The following ARHGAP24 variants were observed in gnomAD, a reference collection of about 807,000 sequenced individuals.
ARHGAP24 encodes rho GTPase-activating protein 24.
Under a neutral mutation model 76.4 loss-of-function variants are expected in ARHGAP24, and 50 were observed. The observed-to-expected ratio is 0.65, with a 90% CI of 0.52 to 0.83. ARHGAP24 has a LOEUF of 0.83. Ranked by LOEUF, ARHGAP24 falls within the 40% of genes least tolerant of loss-of-function variation. ARHGAP24 has a pLI of 0.00. For missense variants in ARHGAP24, 930 were observed against 914.2 expected, an observed-to-expected ratio of 1.02 and a Z score of -0.22; for synonymous variants, 345 against 323.3, an observed-to-expected ratio of 1.07 and a Z score of -0.72.
chr4:85,911,183 T>G (rs1735055290), intron 3 of ARHGAP24, among the ~76,000 whole-genome samples: 1 of 152,182 alleles, frequency 6.6e-6, no homozygotes, highest in Non-Finnish European at 1.5e-5. Flanking sequence ...GGCCTGGGTC[T>G]GCAGCCTGGT....
At chr4:85,629,327 G>A (rs1046238639) in intron 2 of ARHGAP24, among the ~76,000 whole-genome samples, 1 of 152,100 alleles carries the variant, frequency 6.6e-6, no homozygotes, top group African/African-American at 2.4e-5. Context: ...GCAAATTACT[G>A]TAGCTATACT....
At chr4:85,598,573 T>G (rs1382214699) in intron 2 of ARHGAP24, among the ~76,000 whole-genome samples, 1 of 152,082 alleles carries the variant, frequency 6.6e-6, no homozygotes, top group Admixed American at 6.6e-5. Flanking sequence ...TTGAAATTAT[T>G]ATTTGAAAAT....
At chr4:85,524,160 T>A (rs1463223159) in intron 1 of ARHGAP24, among the ~76,000 whole-genome samples, 2 of 152,142 alleles carry the variant, frequency 1.3e-5, no homozygotes, top group East Asian at 3.9e-4. Context: ...GATTCACCTA[T>A]GTCAGTATTA....
chr4:85,614,398 T>A (rs2109998498), intron 2 of ARHGAP24, among the ~76,000 whole-genome samples: 1 of 152,166 alleles, frequency 6.6e-6, no homozygotes, highest in South Asian at 2.1e-4. Context: ...TTATATATAT[T>A]TAGTGCTTAG....
chr4:85,823,981 G>A (rs1729593445), intron 3 of ARHGAP24, among the ~76,000 whole-genome samples: 1 of 151,910 alleles, frequency 6.6e-6, no homozygotes, highest in Admixed American at 6.6e-5. Context: ...GATAGAAAAG[G>A]CATTAAGAAG....
chr4:85,537,019 T>C (rs904327977), intron 1 of ARHGAP24, among the ~76,000 whole-genome samples: 1 of 152,146 alleles, frequency 6.6e-6, no homozygotes, highest in African/African-American at 2.4e-5. Flanking sequence ...ATCCTCATTA[T>C]TTTTCTCAAT....
intron 1 of ARHGAP24, among the ~76,000 whole-genome samples, chr4:85,491,855 A>G (rs1260091078): frequency 6.6e-6 from 1 of 152,122 alleles, no homozygotes. Context: ...AATGAATTTG[A>G]AACTATACTG....
chr4:85,942,825 C>T (rs1737030046), intron 5 of ARHGAP24, among the ~76,000 whole-genome samples: 1 of 152,006 alleles, frequency 6.6e-6, no homozygotes, highest in African/African-American at 2.4e-5. Context: ...CCTAACTCCA[C>T]TAATAAAGAG....
intron 2 of ARHGAP24, among the ~76,000 whole-genome samples, chr4:85,589,944 A>T (rs1728015172): frequency 6.6e-6 from 1 of 152,216 alleles, no homozygotes; most frequent in Non-Finnish European, 1.5e-5. Flanking sequence ...TTTTCATGCC[A>T]TCCACATTTT....
chr4:85,516,518 A>G (rs374383777), intron 1 of ARHGAP24, among the ~76,000 whole-genome samples: 9 of 152,272 alleles, frequency 5.9e-5, no homozygotes, highest in East Asian at 1.9e-4. Flanking sequence ...TACTGTAGTC[A>G]TAATTTTAAT....
At chr4:85,781,055 T>C (rs1727534084) in intron 3 of ARHGAP24, among the ~76,000 whole-genome samples, 1 of 152,240 alleles carries the variant, frequency 6.6e-6, no homozygotes, top group African/African-American at 2.4e-5. Context: ...AACAGCATAA[T>C]AATGCTTTGT....
chr4:85,513,427 T>G (rs1033214306), intron 1 of ARHGAP24, among the ~76,000 whole-genome samples: 2 of 152,200 alleles, frequency 1.3e-5, no homozygotes, highest in Non-Finnish European at 2.9e-5. Flanking sequence ...ATTACCTGAT[T>G]GTTAACCATA....
At chr4:85,648,408 G>C (rs956307153) in intron 2 of ARHGAP24, among the ~76,000 whole-genome samples, 9 of 152,106 alleles carry the variant, frequency 5.9e-5, no homozygotes, top group African/African-American at 2.2e-4. Flanking sequence ...CTTAAAACTA[G>C]TTTGAAAACA....
chr4:85,742,356 AG>A (rs1331786123), intron 3 of ARHGAP24, among the ~76,000 whole-genome samples: 2 of 152,240 alleles, frequency 1.3e-5, no homozygotes, highest in Admixed American at 1.3e-4. Flanking sequence ...GAGGAAAATA[AG>A]AAAAGGAATA....
At chr4:85,704,161 GTT>G (rs35348918) in intron 2 of ARHGAP24, among the ~76,000 whole-genome samples, 2 of 151,434 alleles carry the variant, frequency 1.3e-5, no homozygotes, top group African/African-American at 4.8e-5. Context: ...CATATATACA[GTT>G]TTTTTTTGTC....
chr4:85,923,506 A>G (rs1169768640), intron 3 of ARHGAP24, 142 bp from the exon 4 acceptor site: 6 of 1,222,530 alleles, frequency 4.9e-6, no homozygotes, highest in East Asian at 5.1e-5. Context: ...CCACTCAGAA[A>G]CCATGGTAAA....
At chr4:85,803,383 C>A (rs1199064777) in intron 3 of ARHGAP24, among the ~76,000 whole-genome samples, 2 of 152,140 alleles carry the variant, frequency 1.3e-5, no homozygotes, top group Non-Finnish European at 2.9e-5. Flanking sequence ...GAGCTTAATT[C>A]ATTTGCTGTC....
At chr4:85,623,841 C>G (rs944223109) in intron 2 of ARHGAP24, among the ~76,000 whole-genome samples, 2 of 147,880 alleles carry the variant, frequency 1.4e-5, no homozygotes. Context: ...GTATTTTATT[C>G]TCTTTGAAGC....
chr4:85,578,990 G>A (rs112076945), intron 2 of ARHGAP24, among the ~76,000 whole-genome samples: 2,197 of 152,228 alleles, frequency 0.014, 61 homozygotes, highest in African/African-American at 0.05. Flanking sequence ...TACATGGAAA[G>A]ATTTCAGAAC....
Sources: gnomAD v4.1 joint callset for allele counts (sites outside exome capture counted in the v4.1 genomes callset) on GRCh38, gnomAD v4.1.1 for gene constraint, MANE v1.5 for transcripts, NCBI Gene and HGNC (gene_info 2026-07-23, HGNC 2026-07-21) for gene names.